The following ATOSA variants were observed in gnomAD, a reference collection of about 807,000 sequenced individuals.
ATOSA encodes the protein atos homolog A, also known as atos homolog protein A.
chr15:52,668,279 C>T, the ATOSA span, among the ~76,000 whole-genome samples: 1 of 152,096 alleles, frequency 6.6e-6, no homozygotes, highest in East Asian at 1.9e-4. Flanking sequence ...TGGAGGACAT[C>T]GTGTTCAGTA....
chr15:52,605,217 C>T, the ATOSA span: 1 of 1,610,212 alleles, frequency 6.2e-7, no homozygotes, highest in Admixed American at 1.7e-5. Context: ...TATGTTTTCG[C>T]CACACATTTG....
chr15:52,676,793 T>G, the ATOSA span, among the ~76,000 whole-genome samples: 2 of 152,210 alleles, frequency 1.3e-5, no homozygotes, highest in African/African-American at 4.8e-5. Flanking sequence ...TCACAACAAT[T>G]CAAAATAAAT....
the ATOSA span, among the ~76,000 whole-genome samples, chr15:52,627,042 C>A: frequency 6.6e-6 from 1 of 152,132 alleles, no homozygotes; most frequent in Non-Finnish European, 1.5e-5. Context: ...TGTTTCTCTG[C>A]CCATGCAACC....
At chr15:52,666,367 T>G in the ATOSA span, among the ~76,000 whole-genome samples, 2 of 152,222 alleles carry the variant, frequency 1.3e-5, no homozygotes, top group African/African-American at 4.8e-5. Flanking sequence ...CTTATTCATC[T>G]GTATGTTTCC....
At chr15:52,606,672 A>C in the ATOSA span, among the ~76,000 whole-genome samples, 5 of 152,224 alleles carry the variant, frequency 3.3e-5, no homozygotes, top group Non-Finnish European at 7.4e-5. Flanking sequence ...AAAGATCATA[A>C]GAACCGAACA....
chr15:52,680,199 G>T, the ATOSA span, among the ~76,000 whole-genome samples: 1 of 151,898 alleles, frequency 6.6e-6, no homozygotes, highest in East Asian at 1.9e-4. Context: ...TGATGTTGTC[G>T]TCATTTAAAC....
At chr15:52,639,948 C>T in the ATOSA span, among the ~76,000 whole-genome samples, 47 of 151,026 alleles carry the variant, frequency 3.1e-4, no homozygotes, top group South Asian at 5.5e-3. Context: ...TTAGTAGAGA[C>T]GGGGTTTCAC....
the ATOSA span, among the ~76,000 whole-genome samples, chr15:52,634,568 A>AC: frequency 9.2e-5 from 14 of 151,488 alleles, no homozygotes; most frequent in Non-Finnish European, 2.1e-4. Context: ...GCAAGACACA[A>AC]CTATATATGA....
At chr15:52,684,357 A>G in the ATOSA span, among the ~76,000 whole-genome samples, 1 of 152,184 alleles carries the variant, frequency 6.6e-6, no homozygotes, top group Non-Finnish European at 1.5e-5. Context: ...CAACATAGGG[A>G]GACCACTGTC....
At chr15:52,617,219 T>G in the ATOSA span, among the ~76,000 whole-genome samples, 1 of 152,014 alleles carries the variant, frequency 6.6e-6, no homozygotes, top group Non-Finnish European at 1.5e-5. Flanking sequence ...GAGAAAGTGA[T>G]CTCCTCTCTC....
the ATOSA span, among the ~76,000 whole-genome samples, chr15:52,607,763 A>G: frequency 6.6e-6 from 1 of 152,260 alleles, no homozygotes; most frequent in Non-Finnish European, 1.5e-5. Flanking sequence ...AACGTTATAT[A>G]CAAGCAATAT....
At chr15:52,601,897 T>G in the ATOSA span, among the ~76,000 whole-genome samples, 85 of 152,364 alleles carry the variant, frequency 5.6e-4, no homozygotes, top group Admixed American at 4.9e-3. Flanking sequence ...CTCGACATTT[T>G]GGAGAGTTGT....
chr15:52,601,217 T>C, the ATOSA span: 1 of 1,168,844 alleles, frequency 8.6e-7, no homozygotes, highest in South Asian at 1.5e-5. Flanking sequence ...GTTAATTTTT[T>C]TCTTGAATTG....
the ATOSA span, among the ~76,000 whole-genome samples, chr15:52,606,108 A>C: frequency 7.9e-5 from 12 of 152,198 alleles, no homozygotes; most frequent in South Asian, 2.5e-3. Flanking sequence ...GAAACCGTGG[A>C]TAAGGGGCGA....
At chr15:52,663,068 T>A in the ATOSA span, among the ~76,000 whole-genome samples, 1 of 152,056 alleles carries the variant, frequency 6.6e-6, no homozygotes, top group African/African-American at 2.4e-5. Context: ...AACTCTAATC[T>A]CTCCCTATTC....
the ATOSA span, chr15:52,586,832 T>G: frequency 5.2e-6 from 1 of 193,632 alleles, no homozygotes; most frequent in Non-Finnish European, 1.0e-5. Flanking sequence ...TTAAACAGGT[T>G]CGTCTCAATT....
the ATOSA span, among the ~76,000 whole-genome samples, chr15:52,603,935 A>G: frequency 2.0e-5 from 3 of 152,234 alleles, no homozygotes; most frequent in Admixed American, 6.5e-5. Flanking sequence ...CAGGGTGACT[A>G]AAGTTAACAA....
chr15:52,602,812 G>C, the ATOSA span, among the ~76,000 whole-genome samples: 1 of 152,168 alleles, frequency 6.6e-6, no homozygotes, highest in East Asian at 1.9e-4. Flanking sequence ...AGATAAGATT[G>C]TTACAGACTT....
the ATOSA span, among the ~76,000 whole-genome samples, chr15:52,655,798 A>AT: frequency 1.3e-5 from 2 of 151,946 alleles, no homozygotes; most frequent in African/African-American, 4.8e-5. Context: ...CAAGACATAA[A>AT]GGAGGAAAGC....
Sources: gnomAD v4.1 joint callset for allele counts (sites outside exome capture counted in the v4.1 genomes callset) on GRCh38, gnomAD v4.1.1 for gene constraint, MANE v1.5 for transcripts, NCBI Gene and HGNC (gene_info 2026-07-23, HGNC 2026-07-21) for gene names.